The following CADM2 variants were observed in gnomAD, a reference collection of about 807,000 sequenced individuals.
CADM2 encodes cell adhesion molecule 2.
CADM2 carries 12 observed loss-of-function variants against 49.8 expected under a neutral mutation model. The observed-to-expected ratio is 0.24, with a 90% CI of 0.15 to 0.39. CADM2 has a LOEUF of 0.39. Among genes scored for constraint, CADM2 ranks in the 10% least tolerant of loss-of-function variants. The pLI is 1.00. For synonymous variants in CADM2, 214 were observed against 175.4 expected, an observed-to-expected ratio of 1.22 and a Z score of -1.74; for missense variants, 378 against 492.3, an observed-to-expected ratio of 0.77 and a Z score of 2.20.
intron 1 of CADM2, among the ~76,000 whole-genome samples, chr3:85,438,470 C>T (rs1249462106): frequency 6.6e-6 from 1 of 151,986 alleles, no homozygotes. Context: ...GTGATTCCCT[C>T]TTATGGGCAG....
intron 8 of CADM2, among the ~76,000 whole-genome samples, chr3:85,963,238 A>G (rs1416827502): frequency 2.0e-5 from 3 of 152,120 alleles, no homozygotes; most frequent in East Asian, 2.0e-4. Flanking sequence ...AGAAAATAGT[A>G]GAACTAACAG....
intron 1 of CADM2, among the ~76,000 whole-genome samples, chr3:85,704,866 A>ATT (rs531343116): frequency 1.4e-5 from 2 of 144,786 alleles, no homozygotes; most frequent in African/African-American, 2.5e-5. Flanking sequence ...TATTATTATT[A>ATT]TTTTTTTTTT....
chr3:85,052,964 A>T (rs2035942736), intron 1 of CADM2, among the ~76,000 whole-genome samples: 1 of 152,004 alleles, frequency 6.6e-6, no homozygotes, highest in South Asian at 2.1e-4. Flanking sequence ...AGAATAGCTC[A>T]TTTGGCTCTC....
intron 1 of CADM2, among the ~76,000 whole-genome samples, chr3:84,971,292 A>G (rs964362335): frequency 4.6e-5 from 7 of 152,184 alleles, no homozygotes; most frequent in Non-Finnish European, 8.8e-5. Flanking sequence ...CTGTTGCACA[A>G]AAAGTATTGA....
At chr3:85,510,767 A>G (rs1360589799) in intron 1 of CADM2, among the ~76,000 whole-genome samples, 1 of 151,956 alleles carries the variant, frequency 6.6e-6, no homozygotes, top group African/African-American at 2.4e-5. Context: ...TCATCTATCT[A>G]TTTATTTATT....
intron 8 of CADM2, among the ~76,000 whole-genome samples, chr3:86,026,898 C>T (rs1733965310): frequency 6.6e-6 from 1 of 152,118 alleles, no homozygotes; most frequent in Admixed American, 6.6e-5. Context: ...CAAATATATG[C>T]ATTCTTATGG....
chr3:85,134,713 C>T (rs1427782025), intron 1 of CADM2, among the ~76,000 whole-genome samples: 1 of 151,814 alleles, frequency 6.6e-6, no homozygotes, highest in Non-Finnish European at 1.5e-5. Context: ...AATCGATTGT[C>T]CACCAAAGAT....
intron 1 of CADM2, among the ~76,000 whole-genome samples, chr3:85,219,995 A>C (rs780753222): frequency 6.6e-6 from 1 of 152,170 alleles, no homozygotes. Flanking sequence ...TAGGAGGTAT[A>C]ATGGAGATAG....
intron 1 of CADM2, among the ~76,000 whole-genome samples, chr3:85,377,248 A>T (rs1315003249): frequency 1.3e-5 from 2 of 152,064 alleles, no homozygotes; most frequent in Non-Finnish European, 2.9e-5. Flanking sequence ...CAAAAGTATG[A>T]TTAGTGAAGC....
intron 1 of CADM2, among the ~76,000 whole-genome samples, chr3:85,114,310 G>A (rs1338301031): frequency 6.6e-6 from 1 of 152,106 alleles, no homozygotes; most frequent in Non-Finnish European, 1.5e-5. Context: ...GAAAGTAGGT[G>A]TGGAGAGAGA....
chr3:85,366,281 G>C (rs2032778140), intron 1 of CADM2, among the ~76,000 whole-genome samples: 1 of 152,126 alleles, frequency 6.6e-6, no homozygotes, highest in Admixed American at 6.6e-5. Flanking sequence ...GATTTTTTAA[G>C]TCTTTGAAGT....
At chr3:85,032,716 T>G (rs564210628) in intron 1 of CADM2, among the ~76,000 whole-genome samples, 3 of 152,146 alleles carry the variant, frequency 2.0e-5, no homozygotes, top group Non-Finnish European at 4.4e-5. Context: ...ATATCATCTT[T>G]TGACTTTTAG....
intron 3 of CADM2, among the ~76,000 whole-genome samples, chr3:85,804,656 T>G (rs2072287605): frequency 6.6e-6 from 1 of 152,176 alleles, no homozygotes; most frequent in Non-Finnish European, 1.5e-5. Context: ...GCCTCCACTT[T>G]TAGTGATTCT....
chr3:84,986,998 GC>G (rs2032607817), intron 1 of CADM2, among the ~76,000 whole-genome samples: 1 of 151,786 alleles, frequency 6.6e-6, no homozygotes. Context: ...GGTGCGGTGA[GC>G]CGAGATCGCA....
At chr3:85,730,609 A>T (rs1386379200) in intron 2 of CADM2, among the ~76,000 whole-genome samples, 1 of 152,138 alleles carries the variant, frequency 6.6e-6, no homozygotes, top group Non-Finnish European at 1.5e-5. Context: ...TTTTAACAAG[A>T]TCATCACTGC....
In CADM2 at chr3:86,067,753, C is replaced by T. The variant is rs1205017690; in HGVS notation, c.*970C>T. The T allele has an allele frequency of 2.0e-5, 3 of 152,388 alleles. No individual in the cohort carries two copies. Among genetic ancestry groups the T allele is most frequent in the East Asian group, 1.9e-4 (1 of 5,188 alleles). 9.4% of individuals were successfully genotyped at this position (152,388 alleles called of 1,614,324 possible). A position where few individuals can be genotyped will look rare whatever the true frequency, so the allele number is the denominator to read the frequency against. ...TCAGTCATAAGTAAGCATTTTCTAA[C>T]GTCCATTATATCCCTTTAGGTATTA... On this transcript the variant is annotated 3_prime_UTR_variant, in exon 10 of 10. Transcript: ENST00000383699.
chr3:86,025,308 C>T (rs574235180), intron 8 of CADM2, among the ~76,000 whole-genome samples: 2 of 152,182 alleles, frequency 1.3e-5, no homozygotes, highest in South Asian at 2.1e-4. Flanking sequence ...CTGCCCGCCT[C>T]GGCCTCCCAA....
At chr3:85,731,937 G>T (rs761209222) in intron 2 of CADM2, among the ~76,000 whole-genome samples, 1 of 151,490 alleles carries the variant, frequency 6.6e-6, no homozygotes, top group Non-Finnish European at 1.5e-5. Context: ...CTTTTTTAAA[G>T]CTATTTTTAG....
chr3:85,249,297 A>G (rs2042722398), intron 1 of CADM2, among the ~76,000 whole-genome samples: 1 of 152,128 alleles, frequency 6.6e-6, no homozygotes, highest in Non-Finnish European at 1.5e-5. Context: ...TATGATCTGA[A>G]GTATTTAAAA....
Sources: gnomAD v4.1 joint callset for allele counts (sites outside exome capture counted in the v4.1 genomes callset) on GRCh38, gnomAD v4.1.1 for gene constraint, MANE v1.5 for transcripts, NCBI Gene and HGNC (gene_info 2026-07-23, HGNC 2026-07-21) for gene names.